SCTR: variants seen among roughly 807,000 people sequenced by gnomAD.
The protein encoded by SCTR is pancreatic secretin receptor.
SCTR carries 56 observed loss-of-function variants against 60.8 expected under a neutral mutation model. The ratio of observed to expected loss-of-function variants is 0.92; its 90% CI spans 0.74 to 1.15. The LOEUF is 1.15. SCTR is among the 50% of genes most tolerant of loss of function. The pLI is 0.00. For synonymous variants in SCTR, 202 were observed against 217.0 expected (o/e 0.93, Z 0.61); for missense variants, 562 against 550.4 (o/e 1.02, Z -0.21).
intron 3 of SCTR, among the ~76,000 whole-genome samples, chr2:119,473,968 C>G (rs1558857136): frequency 1.3e-5 from 2 of 152,216 alleles, no homozygotes; most frequent in Non-Finnish European, 2.9e-5. Flanking sequence ...TTAAATGGAA[C>G]TTCATGCCCT....
chr2:119,521,222 A>G (rs926645310), intron 1 of SCTR, among the ~76,000 whole-genome samples: 2 of 152,224 alleles, frequency 1.3e-5, no homozygotes, highest in Admixed American at 6.5e-5. Flanking sequence ...CCCTACCTTG[A>G]GTGACTCTTT....
At chr2:119,461,731 A>G in intron 7 of SCTR, 116 bp downstream of exon 7, 1 of 718,166 alleles carries the variant, frequency 1.4e-6, no homozygotes, top group Non-Finnish European at 2.1e-6. Flanking sequence ...AAAAAAAAAA[A>G]AGATTACACA....
intron 3 of SCTR, among the ~76,000 whole-genome samples, chr2:119,477,304 C>T (rs923307895): frequency 4.6e-5 from 7 of 152,164 alleles, no homozygotes; most frequent in Admixed American, 1.3e-4. Context: ...TGTGGTCCTC[C>T]GAGTTCTTTC....
chr2:119,486,720 G>A (rs1443885025), intron 2 of SCTR: 1 of 152,100 alleles, frequency 6.6e-6, no homozygotes, highest in Non-Finnish European at 1.5e-5. Context: ...CTATGAAATG[G>A]GAGTAATAAT....
chr2:119,492,564 A>G (rs1482477149), intron 2 of SCTR, among the ~76,000 whole-genome samples: 1 of 152,246 alleles, frequency 6.6e-6, no homozygotes, highest in Non-Finnish European at 1.5e-5. Context: ...ATCATATAAC[A>G]TAACACTAAC....
intron 2 of SCTR, among the ~76,000 whole-genome samples, chr2:119,481,721 G>A (rs998738099): frequency 2.6e-5 from 4 of 152,202 alleles, no homozygotes; most frequent in African/African-American, 7.2e-5. Context: ...AGGAGAGCAC[G>A]CCCCTGTGCC....
intron 11 of SCTR, among the ~76,000 whole-genome samples, chr2:119,445,579 C>A (rs1188219423): frequency 6.6e-6 from 1 of 152,130 alleles, no homozygotes; most frequent in Non-Finnish European, 1.5e-5. Context: ...GGGTTTGAAC[C>A]CCTGCTCGCA....
intron 1 of SCTR, among the ~76,000 whole-genome samples, chr2:119,518,960 G>T (rs1335800190): frequency 6.6e-6 from 1 of 152,118 alleles, no homozygotes. Flanking sequence ...CGATGCCAAA[G>T]CAGGTGGACT....
At chr2:119,449,684 A>G (rs1683070606) in intron 9 of SCTR, among the ~76,000 whole-genome samples, 1 of 152,088 alleles carries the variant, frequency 6.6e-6, no homozygotes, top group African/African-American at 2.4e-5. Context: ...GATCAGTGGA[A>G]TCACCCAGCC....
At chr2:119,494,870 A>G (rs6707631) in intron 1 of SCTR, among the ~76,000 whole-genome samples, 10,192 of 152,100 alleles carry the variant, frequency 0.067, 1,130 homozygotes, top group African/African-American at 0.23. Context: ...GACTTACTTT[A>G]TGCTACTCCA....
At chr2:119,462,507 A>G (rs1683653305) in intron 6 of SCTR, among the ~76,000 whole-genome samples, 1 of 152,224 alleles carries the variant, frequency 6.6e-6, no homozygotes, top group Non-Finnish European at 1.5e-5. Context: ...TGGCTGGTAC[A>G]TTGCACTCTC....
chr2:119,513,901 T>C (rs1185457307), intron 1 of SCTR, among the ~76,000 whole-genome samples: 3 of 152,174 alleles, frequency 2.0e-5, no homozygotes, highest in Non-Finnish European at 2.9e-5. Context: ...AAATTCCACT[T>C]TTTAGTATCC....
rs149917246 is a variant in SCTR at position 119,452,203 on chromosome 2, T to C, written c.852-124A>G. 4,162 of 658,192 alleles carry C rather than the reference T, an allele frequency of 6.3e-3. 140 individuals carry two copies. In the African/African-American group the frequency reaches 0.065, roughly 10 times the overall value. 40.8% of individuals were successfully genotyped at this position (658,192 alleles called of 1,614,324 possible). ...ACCTGTGTTTGTGGCACTGAGCCCC[T>C]GCAGTGGTGTGCCCAGCACCATTAG... On this transcript the variant is annotated intron_variant, in intron 8 of 12. Coordinates refer to ENST00000019103, the MANE Select transcript of SCTR (RefSeq NM_002980.3).
At chr2:119,507,179 G>A (rs1678767496) in intron 1 of SCTR, among the ~76,000 whole-genome samples, 1 of 152,198 alleles carries the variant, frequency 6.6e-6, no homozygotes, top group Admixed American at 6.5e-5. Flanking sequence ...AACAGGATAT[G>A]TTCAGGCATT....
At chr2:119,496,242 TAACATGACTCTC>T (rs1678340501) in intron 1 of SCTR, among the ~76,000 whole-genome samples, 1 of 152,216 alleles carries the variant, frequency 6.6e-6, no homozygotes. Context: ...GCTTAGAAAT[TAACATGACTCTC>T]AACAGGACAG....
At chr2:119,495,603 C>G (rs1324736623) in intron 1 of SCTR, 1 of 152,264 alleles carries the variant, frequency 6.6e-6, no homozygotes, top group Non-Finnish European at 1.5e-5. Context: ...AGAAGGACAG[C>G]TAAGGTAGCA....
intron 2 of SCTR, among the ~76,000 whole-genome samples, chr2:119,487,609 C>T (rs1264720341): frequency 6.6e-6 from 1 of 152,208 alleles, no homozygotes; most frequent in Non-Finnish European, 1.5e-5. Context: ...GGCCCTTCCA[C>T]CTGCCAGCTC....
At chr2:119,446,394 A>G (rs769478495) in intron 11 of SCTR, among the ~76,000 whole-genome samples, 2 of 152,072 alleles carry the variant, frequency 1.3e-5, no homozygotes, top group African/African-American at 2.4e-5. Context: ...CACCCGCCCC[A>G]CGCTCCCGCG....
Position 119,446,884 on chromosome 2 carries a change from G to A in SCTR, c.1015C>T (p.Arg339Cys), listed in dbSNP as rs143434396. Reference sequence around the variant, plus strand: ...AGCAGGAGAGTGGACCTGGCCAGGCGCCTGGGGACACAGAAAGCCTGTAGC... The same window carrying A: ...AGCAGGAGAGTGGACCTGGCCAGGCACCTGGGGACACAGAAAGCCTGTAGC... ...TRGNEVSHYKRLARSTLLLIP... is the reference protein window; with the variant it reads ...TRGNEVSHYKCLARSTLLLIP... Residue 339 changes from arginine (R) to cysteine (C), a missense_variant and splice_region_variant, in exon 11 of 13, where the codon CGC (arginine) becomes TGC (cysteine). By Grantham distance (180) the Arg-to-Cys change is radical. Transcript: ENST00000019103. The A allele has an allele frequency of 1.5e-3, 2,252 of 1,517,830 alleles. 3 individuals carry two copies. The highest frequency in any genetic ancestry group is 4.9e-3 in the Admixed American group (236 of 48,596). 94.0% of individuals were successfully genotyped at this position (1,517,830 alleles called of 1,614,324 possible). A position where few individuals can be genotyped will look rare whatever the true frequency, so the allele number is the denominator to read the frequency against.
Sources: gnomAD v4.1 joint callset for allele counts (sites outside exome capture counted in the v4.1 genomes callset) on GRCh38, gnomAD v4.1.1 for gene constraint, MANE v1.5 for transcripts, NCBI Gene and HGNC (gene_info 2026-07-23, HGNC 2026-07-21) for gene names.